The following IFT122 variants were observed in gnomAD, a reference collection of about 807,000 sequenced individuals.
IFT122 encodes the protein intraflagellar transport protein 122 homolog.
Under a neutral mutation model 161.6 loss-of-function variants are expected in IFT122, and 118 were observed. That is an observed-to-expected ratio of 0.73 (90% CI 0.63 to 0.85). The LOEUF is 0.85. Ranked by LOEUF, IFT122 falls within the 40% of genes least tolerant of loss-of-function variation. The probability of loss-of-function intolerance (pLI) is 0.00; values close to 1 mark genes in which losing one functional copy is unlikely to be tolerated. For missense variants in IFT122, 1,381 were observed against 1,579.6 expected (o/e 0.87, Z 2.13); for synonymous variants, 550 against 602.4 (o/e 0.91, Z 1.27).
At chr3:129,478,650 G>C (rs1400288579) in intron 12 of IFT122, among the ~76,000 whole-genome samples, 1 of 152,084 alleles carries the variant, frequency 6.6e-6, no homozygotes, top group Non-Finnish European at 1.5e-5. Flanking sequence ...TGTACTTTGG[G>C]AGGCTAAGGC....
At chr3:129,467,412 TC>T (rs1440088047) in intron 8 of IFT122, among the ~76,000 whole-genome samples, 1 of 152,240 alleles carries the variant, frequency 6.6e-6, no homozygotes, top group African/African-American at 2.4e-5. Flanking sequence ...GCTTTTTTTT[TC>T]ACTTAACATT....
chr3:129,466,876 C>G lies in IFT122; in HGVS notation c.564-14C>G, dbSNP rs746907640. On this transcript the variant is annotated splice_polypyrimidine_tract_variant and intron_variant, in intron 7 of 29. Coordinates refer to ENST00000348417, the MANE Select transcript of IFT122 (RefSeq NM_052989.3). ...TAGGCAATGTAATTTTGAACAACTA[C>G]TTACTGTCTACAGCCGATGGGAGAG... 1 of 1,612,826 alleles carries G rather than the reference C, an allele frequency of 6.2e-7. No individual in the cohort carries two copies. Among genetic ancestry groups the G allele is most frequent in the African/African-American group, 1.3e-5 (1 of 75,028 alleles).
intron 18 of IFT122, among the ~76,000 whole-genome samples, chr3:129,496,600 G>C (rs2080875729): frequency 6.6e-6 from 1 of 152,118 alleles, no homozygotes; most frequent in African/African-American, 2.4e-5. Context: ...TCCACCACCT[G>C]TTCGACCCTG....
chr3:129,512,162 T>C, intron 23 of IFT122, 150 bp from the exon 24 acceptor site: 4 of 736,324 alleles, frequency 5.4e-6, no homozygotes, highest in Non-Finnish European at 1.0e-5. Context: ...ACAGTGGCTA[T>C]ATGGCGCTCA....
chr3:129,520,101 A>G (rs1200616348), intron 29 of IFT122, 75 bp from the exon 30 acceptor site: 1 of 1,209,948 alleles, frequency 8.3e-7, no homozygotes, highest in Non-Finnish European at 1.2e-6. Flanking sequence ...CTTGAGAGGC[A>G]GTGCGTCCTG....
rs762968249 is a variant in IFT122, at chr3:129,476,499, A to G, written c.1001A>G (p.Asn334Ser). 5.0e-6 allele frequency: 8 copies of G among 1,614,134 alleles called. No homozygotes were observed. The highest frequency in any genetic ancestry group is 2.2e-5 in the East Asian group (1 of 44,884). ...ACGTGTCAAGCGAAACCGGATTCCA[A>G]CTATGTGGTAAGAAGAGAAAGTTTG... ...VWTCQAKPDS[N>S]YVVVGCQDGT... The change falls in exon 10 of 30, where the codon AAC (asparagine) becomes AGC (serine). Residue 334 changes from asparagine (N) to serine (S), a missense_variant. Asn to Ser is a conservative substitution (Grantham distance 46). Coordinates refer to ENST00000348417, the MANE Select transcript of IFT122 (RefSeq NM_052989.3).
At chr3:129,471,675 A>G (rs984538344) in intron 9 of IFT122, among the ~76,000 whole-genome samples, 3 of 152,190 alleles carry the variant, frequency 2.0e-5, no homozygotes, top group African/African-American at 7.2e-5. Context: ...GGTAACCCCA[A>G]CTTGTTTGGG....
chr3:129,504,504 C>A, intron 21 of IFT122, 83 bp downstream of exon 21: 1 of 1,095,576 alleles, frequency 9.1e-7, no homozygotes, highest in South Asian at 1.2e-5. Flanking sequence ...CTACCAAGCC[C>A]TTCCCATCTG....
intron 10 of IFT122, 32 bp from the exon 11 acceptor site, chr3:129,476,630 GA>G: frequency 6.2e-7 from 1 of 1,614,200 alleles, no homozygotes; most frequent in East Asian, 2.2e-5. Context: ...TTTCTCCAGA[GA>G]GCTGGGAATT....
chr3:129,448,592 C>T (rs1384322424), intron 1 of IFT122, among the ~76,000 whole-genome samples: 3 of 152,170 alleles, frequency 2.0e-5, no homozygotes, highest in Non-Finnish European at 4.4e-5. Flanking sequence ...GAGGACAGAA[C>T]CTCCATGTTG....
chr3:129,503,611 A>C (rs2081869382), intron 20 of IFT122, among the ~76,000 whole-genome samples: 2 of 152,078 alleles, frequency 1.3e-5, no homozygotes, highest in Non-Finnish European at 2.9e-5. Flanking sequence ...TTTAGAGTGA[A>C]AGCAAAGCCT....
Position 129,469,348 on chromosome 3 carries a change from A to G in IFT122, c.747A>G (p.Glu249=). The G allele has an allele frequency of 2.5e-6, 4 of 1,613,840 alleles. No homozygotes were observed. Among genetic ancestry groups the G allele is most frequent in the Non-Finnish European group, 3.4e-6 (4 of 1,179,746 alleles). The stretch of plus-strand genomic sequence containing the variant: ...TTTATCTTCTGTTGATTAGAGAGGA[A>G]CGTAATGACATCCTGGCTGTGGCTG... The part of the protein sequence containing the change: ...DDSPRDDNLE[E]RNDILAVADW... The change falls in exon 9 of 30, where the codon GAA becomes GAG. Residue 249 remains glutamate, a synonymous_variant. Transcript: ENST00000348417.
intron 9 of IFT122, among the ~76,000 whole-genome samples, chr3:129,475,902 T>G (rs1421568056): frequency 6.6e-6 from 1 of 152,230 alleles, no homozygotes; most frequent in Non-Finnish European, 1.5e-5. Context: ...AAACTCAGCT[T>G]TATAAAATAC....
At position 129,488,411 on chromosome 3, in the gene IFT122, C is replaced by T. The variant is rs1362198640; in HGVS notation, c.1992+14C>T. ...ACAGCAAAGAAGGTAAGCATCTAGC[C>T]AGCAGGAGCTGGAGTTTGGTCCTTG... On this transcript the variant is annotated intron_variant, in intron 16 of 29. Transcript: ENST00000348417. 1 of 1,613,952 alleles carries T rather than the reference C, an allele frequency of 6.2e-7. No individual in the cohort carries two copies. The highest frequency in any genetic ancestry group is 1.3e-5 in the African/African-American group (1 of 74,970).
At chr3:129,516,697 C>CACACACACAA in intron 26 of IFT122, among the ~76,000 whole-genome samples, 1 of 65,014 alleles carries the variant, frequency 1.5e-5, no homozygotes, top group South Asian at 6.0e-4. Flanking sequence ...TGCTCCTGCA[C>CACACACACAA]ACACACACAC....
chr3:129,513,889 G>C (rs1397162877), intron 24 of IFT122: 2 of 282,462 alleles, frequency 7.1e-6, no homozygotes, highest in Admixed American at 9.9e-5. Context: ...CAGAGCACAG[G>C]CTGCCGCTCA....
chr3:129,503,430 G>A (rs961353439), intron 20 of IFT122, among the ~76,000 whole-genome samples: 2 of 152,090 alleles, frequency 1.3e-5, no homozygotes, highest in African/African-American at 4.8e-5. Flanking sequence ...CAGCGAGAAA[G>A]GTGGCCAGCC....
chr3:129,465,286 C>T (rs1439367119), intron 7 of IFT122, among the ~76,000 whole-genome samples: 1 of 151,836 alleles, frequency 6.6e-6, no homozygotes, highest in African/African-American at 2.4e-5. Context: ...ATGTGCCCAC[C>T]TGTTAATAAA....
rs780586191 is a variant in IFT122, at chr3:129,502,858, C to G, written c.2523C>G (p.His841Gln). The change falls in exon 20 of 30, where the codon CAC becomes CAG. Residue 841 changes from histidine (H) to glutamine (Q), a missense_variant. By Grantham distance (24) the His-to-Gln change is conservative (BLOSUM62 0). Transcript: ENST00000348417. ...ACCTCAAGTCCCTGGTGCAGCTGCA[C>G]GTGGAGACCCAGCGCTGGGATGAGG... ...MGDLKSLVQL[H>Q]VETQRWDEAF... is the part of the protein sequence containing the mutation. 2.5e-6 allele frequency: 4 copies of G among 1,611,722 alleles called. No individual in the cohort carries two copies. Among genetic ancestry groups the G allele is most frequent in the Non-Finnish European group, 3.4e-6 (4 of 1,180,014 alleles).
Sources: gnomAD v4.1 joint callset for allele counts (sites outside exome capture counted in the v4.1 genomes callset) on GRCh38, gnomAD v4.1.1 for gene constraint, MANE v1.5 for transcripts, NCBI Gene and HGNC (gene_info 2026-07-23, HGNC 2026-07-21) for gene names.